The following ZPBP variants were observed in gnomAD, a reference collection of about 807,000 sequenced individuals.
The protein encoded by ZPBP is zona pellucida binding protein, also known as zona pellucida-binding protein 1.
Under a neutral mutation model 44.8 loss-of-function variants are expected in ZPBP, and 26 were observed. That is an observed-to-expected ratio of 0.58 (90% CI 0.43 to 0.81). The LOEUF (loss-of-function observed/expected upper bound fraction) is 0.81. Among genes scored for constraint, ZPBP ranks in the 30% least tolerant of loss-of-function variants. The probability of loss-of-function intolerance (pLI) is 0.00; values close to 1 mark genes in which losing one functional copy is unlikely to be tolerated. For missense variants in ZPBP, 409 were observed against 434.0 expected (o/e 0.94, Z 0.51); for synonymous variants, 174 against 153.2 (o/e 1.14, Z -1.00).
At chr7:49,934,306 G>A (rs6583402), downstream of ZPBP, among the ~76,000 whole-genome samples, 113,427 of 152,070 alleles carry the variant, frequency 0.75, 42,546 homozygotes, top group East Asian at 0.89. Flanking sequence ...AGGAAGAAGG[G>A]GAGAAGTGAA....
At chr7:50,034,560 C>T (rs1799744306) in intron 4 of ZPBP, among the ~76,000 whole-genome samples, 1 of 152,104 alleles carries the variant, frequency 6.6e-6, no homozygotes, top group Admixed American at 6.6e-5. Context: ...GCAGACTGCT[C>T]CAGATGTTAA....
chr7:49,970,016 C>T (rs1343549915), intron 7 of ZPBP, among the ~76,000 whole-genome samples: 2 of 57,928 alleles, frequency 3.5e-5, no homozygotes, highest in African/African-American at 7.7e-5. Context: ...TGCACCACCA[C>T]TCCCAGCTAA....
At chr7:50,071,653 G>A (rs935886435) in intron 3 of ZPBP, among the ~76,000 whole-genome samples, 3 of 151,924 alleles carry the variant, frequency 2.0e-5, no homozygotes, top group East Asian at 1.9e-4. Flanking sequence ...TGGGGAGGAC[G>A]CTGTCTTGCA....
At chr7:49,877,592 C>A (rs1482990881) in intron 2 of ZPBP, among the ~76,000 whole-genome samples, 2 of 138,312 alleles carry the variant, frequency 1.4e-5, no homozygotes, top group Non-Finnish European at 3.1e-5. Context: ...TGACTGAAGT[C>A]CAGACTCATG....
At chr7:49,890,111 C>T (rs1238577628) in intron 2 of ZPBP, among the ~76,000 whole-genome samples, 1 of 152,184 alleles carries the variant, frequency 6.6e-6, no homozygotes, top group Non-Finnish European at 1.5e-5. Flanking sequence ...AACACCCATA[C>T]ATCTCCTTTA....
At chr7:49,956,816 AG>A (rs1405700027) in intron 7 of ZPBP, among the ~76,000 whole-genome samples, 4 of 152,234 alleles carry the variant, frequency 2.6e-5, no homozygotes, top group African/African-American at 9.6e-5. Flanking sequence ...GGAAAAGCAA[AG>A]AAACAAGAAT....
At chr7:49,972,523 T>A (rs990869912) in intron 7 of ZPBP, among the ~76,000 whole-genome samples, 8 of 152,056 alleles carry the variant, frequency 5.3e-5, no homozygotes, top group Admixed American at 4.6e-4. Flanking sequence ...AATAAATGTA[T>A]GCAAGGAGGC....
chr7:50,000,084 G>C (rs933531094), intron 6 of ZPBP, among the ~76,000 whole-genome samples: 31 of 151,966 alleles, frequency 2.0e-4, no homozygotes, highest in Admixed American at 3.3e-4. Flanking sequence ...TATACCAGTA[G>C]ACTGTGATAA....
At chr7:50,018,195 T>G in intron 6 of ZPBP, 45 bp downstream of exon 6, 1 of 1,450,332 alleles carries the variant, frequency 6.9e-7, no homozygotes, top group Non-Finnish European at 9.7e-7. Context: ...ATGGGGCATG[T>G]TCATTTAACT....
intron 5 of ZPBP, among the ~76,000 whole-genome samples, chr7:50,019,424 C>T (rs1798978388): frequency 1.3e-5 from 2 of 152,020 alleles, no homozygotes; most frequent in African/African-American, 4.8e-5. Flanking sequence ...CCTTAGAACC[C>T]ATAAAACACT....
chr7:49,846,144 A>C (rs1583668152), downstream of ZPBP, among the ~76,000 whole-genome samples: 1 of 152,242 alleles, frequency 6.6e-6, no homozygotes, highest in African/African-American at 2.4e-5. Flanking sequence ...TAAGCAAGTC[A>C]ATAGAGCCAA....
downstream of ZPBP, among the ~76,000 whole-genome samples, chr7:49,933,180 C>T (rs900175964): frequency 1.3e-5 from 2 of 152,028 alleles, no homozygotes; most frequent in African/African-American, 4.8e-5. Context: ...AAGGAAAATA[C>T]TCACTACATA....
chr7:49,978,591 A>C (rs2128775279), intron 7 of ZPBP, among the ~76,000 whole-genome samples: 1 of 152,182 alleles, frequency 6.6e-6, no homozygotes, highest in East Asian at 1.9e-4. Context: ...TTGTTTGTTG[A>C]ATATAAACAT....
intron 1 of ZPBP, chr7:49,920,191 C>T (rs1483089364): frequency 1.3e-5 from 2 of 151,970 alleles, no homozygotes; most frequent in Non-Finnish European, 2.9e-5. Flanking sequence ...TTGTCTGAAA[C>T]ATTTAAAATA....
At chr7:49,852,135 G>A (rs757180255) in intron 2 of ZPBP, among the ~76,000 whole-genome samples, 2 of 152,200 alleles carry the variant, frequency 1.3e-5, no homozygotes, top group Admixed American at 6.5e-5. Context: ...CTGGAGAGTC[G>A]GTCATCAGGC....
chr7:50,048,740 T>C (rs1226696667), intron 4 of ZPBP, among the ~76,000 whole-genome samples: 1 of 151,658 alleles, frequency 6.6e-6, no homozygotes, highest in African/African-American at 2.4e-5. Context: ...AAGAAAGCTC[T>C]CACGTAGCCT....
At chr7:49,972,899 G>C (rs1449585445) in intron 7 of ZPBP, among the ~76,000 whole-genome samples, 1 of 151,798 alleles carries the variant, frequency 6.6e-6, no homozygotes, top group African/African-American at 2.4e-5. Flanking sequence ...GAACAGAATA[G>C]AGGGCCCAGA....
intron 3 of ZPBP, among the ~76,000 whole-genome samples, chr7:50,058,857 T>C (rs992935465): frequency 5.7e-5 from 5 of 87,836 alleles, no homozygotes; most frequent in African/African-American, 1.3e-4. Context: ...AATCTGCCTT[T>C]AGAGGCATTG....
intron 1 of ZPBP, 114 bp downstream of exon 1, chr7:50,092,954 G>T: frequency 1.4e-6 from 2 of 1,415,002 alleles, no homozygotes; most frequent in South Asian, 2.9e-5. Flanking sequence ...ACGTATTAGT[G>T]AGCAAGGTGT....
Sources: gnomAD v4.1 joint callset for allele counts (sites outside exome capture counted in the v4.1 genomes callset) on GRCh38, gnomAD v4.1.1 for gene constraint, MANE v1.5 for transcripts, NCBI Gene and HGNC (gene_info 2026-07-23, HGNC 2026-07-21) for gene names.